The following ADD2 variants were observed in gnomAD, a reference collection of about 807,000 sequenced individuals.
ADD2 encodes beta-adducin.
In ADD2, 23 loss-of-function variants were observed where a neutral mutation model predicts 83.0. The ratio of observed to expected loss-of-function variants is 0.28; its 90% CI spans 0.20 to 0.39. The LOEUF is 0.39. Ranked by LOEUF, ADD2 falls within the 10% of genes least tolerant of loss-of-function variation. The pLI, the probability that ADD2 is intolerant of heterozygous loss-of-function variation, is 1.00. For synonymous variants in ADD2, 375 were observed against 375.4 expected (o/e 1.00, Z 0.01); for missense variants, 758 against 944.9 (o/e 0.80, Z 2.59).
intron 1 of ADD2, among the ~76,000 whole-genome samples, chr2:70,746,504 T>C (rs1306704692): frequency 3.3e-5 from 5 of 152,092 alleles, no homozygotes; most frequent in Admixed American, 6.5e-5. Flanking sequence ...CTGAAGTAGG[T>C]ACCACCAAGA....
At chr2:70,763,073 T>A (rs925811271) in intron 1 of ADD2, among the ~76,000 whole-genome samples, 1 of 152,026 alleles carries the variant, frequency 6.6e-6, no homozygotes, top group African/African-American at 2.4e-5. Context: ...AAGAAAAGTT[T>A]AAAATAAATT....
In ADD2 at chr2:70,676,028, C is replaced by T. The variant is rs782141923; in HGVS notation, c.1593+768G>A. Reference sequence around the variant, plus strand: ...CACACTTCTCCTGCCAATGGGCACCCACCCTGTGGGCTGCAGTCTTGACCT... The same window carrying T: ...CACACTTCTCCTGCCAATGGGCACCTACCCTGTGGGCTGCAGTCTTGACCT... On this transcript the variant is annotated intron_variant, in intron 13 of 15. Transcript: ENST00000264436. The surrounding 1 kb of genome is among the most constrained non-coding windows in gnomAD (Gnocchi z 4.8). 8 of 985,432 alleles carry T rather than the reference C, an allele frequency of 8.1e-6. No homozygotes were observed. The highest frequency in any genetic ancestry group is 9.6e-6 in the Non-Finnish European group (8 of 829,940). The allele number at this position is 985,432 out of a possible 1,614,324, so 61.0% of individuals were successfully genotyped here. A position where few individuals can be genotyped will look rare whatever the true frequency, so the allele number is the denominator to read the frequency against.
chr2:70,736,894 C>A lies in ADD2; in HGVS notation c.-153-23710G>T, dbSNP rs150919089. ...TTATAAAAAGGAAAAAACAAACAAC[C>A]CCATCAAAAAGTGGGTGAAGGATAT... On this transcript the variant is annotated intron_variant, in intron 1 of 15. Transcript: ENST00000264436. Among the ~76,000 whole-genome samples the A allele has an allele frequency of 4.8e-3, 732 of 151,914 alleles. 4 individuals carry two copies. The highest frequency in any genetic ancestry group is 7.7e-3 in the Non-Finnish European group (524 of 67,940).
chr2:70,675,322 GCT>G (rs1375285987), intron 13 of ADD2: 2 of 987,186 alleles, frequency 2.0e-6, no homozygotes, highest in African/African-American at 3.5e-5. Context: ...CAGCTTCAGT[GCT>G]CTCAGTCCAA....
chr2:70,727,893 C>CAATAAATA (rs60082478), intron 1 of ADD2, among the ~76,000 whole-genome samples: 199 of 140,484 alleles, frequency 1.4e-3, no homozygotes, highest in Middle Eastern at 3.5e-3. Context: ...GAGACTCTGT[C>CAATAAATA]AATAAATAAA....
At chr2:70,692,322 A>G (rs1671084024) in intron 7 of ADD2, 81 bp downstream of exon 7, 1 of 1,414,708 alleles carries the variant, frequency 7.1e-7, no homozygotes, top group African/African-American at 1.4e-5. Context: ...AGATCTTTCC[A>G]GACTGTTTTA....
intron 1 of ADD2, among the ~76,000 whole-genome samples, chr2:70,761,607 A>AAAGG (rs1364586855): frequency 2.0e-5 from 3 of 150,706 alleles, no homozygotes; most frequent in African/African-American, 4.9e-5. Flanking sequence ...AAAAAAAAAA[A>AAAGG]AAGGAAGGAA....
chr2:70,691,259 C>T (rs1286398130), intron 7 of ADD2, among the ~76,000 whole-genome samples: 13 of 152,172 alleles, frequency 8.5e-5, no homozygotes, highest in African/African-American at 2.9e-4. Flanking sequence ...TTGCTCTTGT[C>T]ATACAACTCT....
intron 4 of ADD2, among the ~76,000 whole-genome samples, chr2:70,700,567 T>C (rs1671539973): frequency 6.6e-6 from 1 of 151,962 alleles, no homozygotes. Context: ...AGAAAAGTTA[T>C]GGAAAAGGAT....
At chr2:70,693,600 C>T (rs1274442789) in intron 6 of ADD2, among the ~76,000 whole-genome samples, 1 of 152,170 alleles carries the variant, frequency 6.6e-6, no homozygotes, top group African/African-American at 2.4e-5. Flanking sequence ...TCTCCACTTA[C>T]AATATCCTAT....
intron 8 of ADD2, among the ~76,000 whole-genome samples, chr2:70,690,269 G>C (rs1397701256): frequency 6.6e-6 from 1 of 152,066 alleles, no homozygotes; most frequent in Admixed American, 6.5e-5. Flanking sequence ...ACTAATTTTT[G>C]TATTTTTTGT....
At chr2:70,764,560 C>A (rs1574338574) in intron 1 of ADD2, among the ~76,000 whole-genome samples, 1 of 152,090 alleles carries the variant, frequency 6.6e-6, no homozygotes, top group Non-Finnish European at 1.5e-5. Flanking sequence ...CAGACTCCAG[C>A]ATCAGTTTCA....
At chr2:70,680,366 A>G (rs1405311569) in intron 10 of ADD2, among the ~76,000 whole-genome samples, 21 of 152,200 alleles carry the variant, frequency 1.4e-4, no homozygotes, top group Admixed American at 1.2e-3. Flanking sequence ...TGGATTCTCT[A>G]AGCTGTTGCA....
rs78942774 is a variant in ADD2 at position 70,668,890 on chromosome 2, C to T, written c.1870+3988G>A. 5.9e-5 allele frequency among the ~76,000 whole-genome samples: 9 copies of T among 152,308 alleles called. No individual in the cohort carries two copies. The East Asian group carries it at 1.5e-3, about 26-fold the overall frequency. Reference sequence around the variant, plus strand: ...GGCCTAGAAACAGGATTTGCTGACGCGCTTCTGAACACAAGGTCAATCAGA... The same window carrying T: ...GGCCTAGAAACAGGATTTGCTGACGTGCTTCTGAACACAAGGTCAATCAGA... On this transcript the variant is annotated intron_variant, in intron 15 of 15. Transcript: ENST00000264436.
intron 9 of ADD2, chr2:70,687,019 C>CCTCTCCTGGGCA: frequency 6.6e-6 from 1 of 152,522 alleles, no homozygotes; most frequent in African/African-American, 2.4e-5. Flanking sequence ...GACGGGACAC[C>CCTCTCCTGGGCA]AAGGGGCTGG....
At chr2:70,663,868 A>C in intron 15 of ADD2, 133 bp from the exon 16 acceptor site, 1 of 946,060 alleles carries the variant, frequency 1.1e-6, no homozygotes, top group Non-Finnish European at 1.5e-6. Flanking sequence ...CCTGATGTTG[A>C]GGGATGGCTA....
intron 1 of ADD2, among the ~76,000 whole-genome samples, chr2:70,750,208 C>T (rs138964772): frequency 3.3e-5 from 5 of 152,304 alleles, no homozygotes; most frequent in African/African-American, 7.2e-5. Context: ...CAAGTGTGCA[C>T]GTGCTCATGC....
At chr2:70,747,662 C>T (rs891656045) in intron 1 of ADD2, among the ~76,000 whole-genome samples, 7 of 152,200 alleles carry the variant, frequency 4.6e-5, no homozygotes, top group African/African-American at 1.7e-4. Flanking sequence ...ACAGCATAGT[C>T]ACTCAGGCAA....
chr2:70,724,853 T>C (rs371744971), intron 1 of ADD2, among the ~76,000 whole-genome samples: 15 of 152,354 alleles, frequency 9.8e-5, no homozygotes, highest in African/African-American at 2.9e-4. Context: ...ACAGGACAGA[T>C]GCCCACACTG....
Sources: gnomAD v4.1 joint callset for allele counts (sites outside exome capture counted in the v4.1 genomes callset) on GRCh38, gnomAD v4.1.1 for gene constraint, Gnocchi (gnomAD v3.1) non-coding constraint, MANE v1.5 for transcripts, NCBI Gene and HGNC (gene_info 2026-07-23, HGNC 2026-07-21) for gene names.